The following VIL1 variants were observed in gnomAD, a reference collection of about 807,000 sequenced individuals.
The protein encoded by VIL1 is villin 1, also known as villin-1.
Under a neutral mutation model 104.0 loss-of-function variants are expected in VIL1, and 86 were observed. That is an observed-to-expected ratio of 0.83 (90% CI 0.69 to 0.99). The LOEUF is 0.99. Ranked by LOEUF, VIL1 falls within the 50% of genes least tolerant of loss-of-function variation. VIL1 has a pLI of 0.00. For missense variants in VIL1, 944 were observed against 1,054.1 expected (o/e 0.90, Z 1.45); for synonymous variants, 394 against 412.6 (o/e 0.95, Z 0.55).
At chr2:218,440,690 A>G (rs774483083) in intron 18 of VIL1, 32 bp from the exon 19 acceptor site, 4 of 1,613,192 alleles carry the variant, frequency 2.5e-6, no homozygotes, top group Non-Finnish European at 3.4e-6. Flanking sequence ...TGCACCAGCT[A>G]AAGTAACCAG....
chr2:218,444,490 G>A (rs1475989932), intron 19 of VIL1, among the ~76,000 whole-genome samples: 1 of 151,534 alleles, frequency 6.6e-6, no homozygotes, highest in Non-Finnish European at 1.5e-5. Flanking sequence ...GTGTTAGCCA[G>A]GATGGTCTCG....
At chr2:218,448,796 G>A (rs1024657155) in intron 19 of VIL1, among the ~76,000 whole-genome samples, 1 of 152,086 alleles carries the variant, frequency 6.6e-6, no homozygotes, top group African/African-American at 2.4e-5. Flanking sequence ...CTTGAGGTCA[G>A]GAGTTCGAGA....
intron 16 of VIL1, among the ~76,000 whole-genome samples, chr2:218,436,908 C>G (rs1006790260): frequency 1.3e-5 from 2 of 152,302 alleles, no homozygotes; most frequent in East Asian, 1.9e-4. Context: ...GTCTGGGAGA[C>G]ACACATTTGC....
Position 218,423,854 on chromosome 2 carries a change from G to C in VIL1, c.75+1G>C. 9 of 1,614,148 alleles carry C rather than the reference G, an allele frequency of 5.6e-6. No homozygotes were observed. The highest frequency in any genetic ancestry group is 6.8e-6 in the Non-Finnish European group (8 of 1,180,006). ...GGGGCTGCAGATATGGAGGATCGAG[G>C]TGAGGCCCTGTCTGGGCATGGGGGC... On this transcript the variant is annotated splice_donor_variant, in intron 2 of 19. Coordinates refer to ENST00000248444, the MANE Select transcript of VIL1 (RefSeq NM_007127.3). LOFTEE classifies it high-confidence loss of function.
chr2:218,440,918 T>A, intron 19 of VIL1, 56 bp downstream of exon 19: 1 of 1,600,390 alleles, frequency 6.2e-7, no homozygotes, highest in Non-Finnish European at 8.5e-7. Flanking sequence ...CCACCATAGT[T>A]GACTCCCAGA....
At chr2:218,423,605 A>G (rs1688929472) in intron 1 of VIL1, among the ~76,000 whole-genome samples, 163 bp from the exon 2 acceptor site, 1 of 152,038 alleles carries the variant, frequency 6.6e-6, no homozygotes, top group African/African-American at 2.4e-5. Context: ...CGGATTTGGT[A>G]CTAAACAAGC....
intron 12 of VIL1, 130 bp downstream of exon 12, chr2:218,432,313 C>T: frequency 5.0e-6 from 7 of 1,395,648 alleles, no homozygotes; most frequent in Non-Finnish European, 6.8e-6. Context: ...TCAAGAAGGA[C>T]TGCTTTGGCT....
intron 17 of VIL1, among the ~76,000 whole-genome samples, chr2:218,437,918 G>C (rs1689223311): frequency 6.6e-6 from 1 of 152,180 alleles, no homozygotes; most frequent in Admixed American, 6.5e-5. Flanking sequence ...GTAGGAAGAA[G>C]GCCAAGGTAC....
At chr2:218,424,252 C>T in intron 2 of VIL1, 25 bp from the exon 3 acceptor site, 2 of 1,611,524 alleles carry the variant, frequency 1.2e-6, no homozygotes, top group East Asian at 2.2e-5. Context: ...CAGGGCAGCC[C>T]CTCTGACCCT....
At position 218,429,684 on chromosome 2, in the gene VIL1, G is replaced by A; in HGVS notation, c.849+9G>A. The stretch of plus-strand genomic sequence containing the variant: ...ACCTGCTCAGTCACGAGGTAAGAGG[G>A]TCTGGAGACCCCTCAGCCTACTGCA... On this transcript the variant is annotated intron_variant, in intron 8 of 19. Transcript: ENST00000248444. 5 of 1,614,056 alleles carry A rather than the reference G, an allele frequency of 3.1e-6. No individual in the cohort carries two copies. Among genetic ancestry groups the A allele is most frequent in the Non-Finnish European group, 4.2e-6 (5 of 1,180,012 alleles).
In VIL1 at chr2:218,451,060, T is replaced by A. The variant is rs1223641589; in HGVS notation, c.*1724T>A. 1 of 152,120 alleles carries A rather than the reference T, an allele frequency of 6.6e-6. No individual in the cohort carries two copies. The highest frequency in any genetic ancestry group is 1.5e-5 in the Non-Finnish European group (1 of 68,008). The allele number at this position is 152,120 out of a possible 1,614,324, so 9.4% of individuals were successfully genotyped here. ...GGCCTAACAAATTAGAATTTTCCAA[T>A]AAAAAATATATATTTTTTCAGATGT... On this transcript the variant is annotated 3_prime_UTR_variant, in exon 20 of 20. Coordinates refer to ENST00000248444, the MANE Select transcript of VIL1 (RefSeq NM_007127.3).
At chr2:218,444,278 A>G (rs1689329326) in intron 19 of VIL1, among the ~76,000 whole-genome samples, 1 of 146,688 alleles carries the variant, frequency 6.8e-6, no homozygotes, top group African/African-American at 2.5e-5. Context: ...ACTGAAGCTG[A>G]TTTTTTTTCT....
chr2:218,429,679 A>G lies in VIL1; in HGVS notation c.849+4A>G, dbSNP rs775698531. The G allele has an allele frequency of 6.2e-7, 1 of 1,614,036 alleles. No homozygotes were observed. The highest frequency in any genetic ancestry group is 8.5e-7 in the Non-Finnish European group (1 of 1,180,012). ...ACAGGACCTGCTCAGTCACGAGGTA[A>G]GAGGGTCTGGAGACCCCTCAGCCTA... is the stretch of plus-strand genomic sequence containing the variant. On this transcript the variant is annotated splice_donor_region_variant and intron_variant, in intron 8 of 19. Coordinates refer to ENST00000248444, the MANE Select transcript of VIL1 (RefSeq NM_007127.3).
rs1689472851 is a variant in VIL1, at chr2:218,451,379, G to T, written c.*2043G>T. 1 of 152,002 alleles carries T rather than the reference G, an allele frequency of 6.6e-6. No individual in the cohort carries two copies. The highest frequency in any genetic ancestry group is 1.5e-5 in the Non-Finnish European group (1 of 68,014). The allele number at this position is 152,002 out of a possible 1,614,324, so 9.4% of individuals were successfully genotyped here. ...TTTAAAACAAAAGACCACCTCGGGGGGTCAATTAAATTAAAAAGGCCCTCC... is the reference window on the plus strand; with the variant it reads ...TTTAAAACAAAAGACCACCTCGGGGTGTCAATTAAATTAAAAAGGCCCTCC... On this transcript the variant is annotated 3_prime_UTR_variant, in exon 20 of 20. Coordinates refer to ENST00000248444, the MANE Select transcript of VIL1 (RefSeq NM_007127.3).
rs1054677461 is a variant in VIL1 at position 218,444,820 on chromosome 2, G to A, written c.2370+3958G>A. Among the ~76,000 whole-genome samples, 3 of 152,190 alleles carry A rather than the reference G, an allele frequency of 2.0e-5. No individual in the cohort carries two copies. In the East Asian group the frequency reaches 5.8e-4, roughly 29 times the overall value. On this transcript the variant is annotated intron_variant, in intron 19 of 19. Coordinates refer to ENST00000248444, the MANE Select transcript of VIL1 (RefSeq NM_007127.3). ...GGCGGATGTAGGCATGGGTGAGGCT[G>A]GTAATCAGCTGGCAGGACTGCAGAG...
At chr2:218,443,806 C>T (rs1689321869) in intron 19 of VIL1, among the ~76,000 whole-genome samples, 1 of 152,008 alleles carries the variant, frequency 6.6e-6, no homozygotes, top group Non-Finnish European at 1.5e-5. Flanking sequence ...AGGCGCACAC[C>T]ATCACGCCTG....
At position 218,434,568 on chromosome 2, in the gene VIL1, A is replaced by C; in HGVS notation, c.1543A>C (p.Thr515Pro). Residue 515 changes from threonine to proline, a missense_variant, in exon 14 of 20, where the codon ACA becomes CCA. Physicochemically the swap from Thr to Pro is conservative, Grantham distance 38. Transcript: ENST00000248444. ...RTNNLETGPS[T>P]RLFQVQGTGA... ...TAACAACTTGGAGACCGGGCCCTCC[A>C]CACGGCTGTTCCAGGTCCAGGGAAC... The C allele has an allele frequency of 6.2e-7, 1 of 1,614,058 alleles. No individual in the cohort carries two copies. The highest frequency in any genetic ancestry group is 1.3e-5 in the African/African-American group (1 of 75,030).
intron 1 of VIL1, among the ~76,000 whole-genome samples, chr2:218,421,498 GGGCCCT>G (rs1559144215): frequency 6.6e-6 from 1 of 152,164 alleles, no homozygotes; most frequent in Non-Finnish European, 1.5e-5. Context: ...GGGAAGTGAC[GGGCCCT>G]GGTCTTCCTG....
At chr2:218,432,621 T>C in intron 12 of VIL1, 172 bp from the exon 13 acceptor site, 1 of 934,886 alleles carries the variant, frequency 1.1e-6, no homozygotes. Flanking sequence ...AGATCAGAAC[T>C]GAGGTATGGT....
Sources: gnomAD v4.1 joint callset for allele counts (sites outside exome capture counted in the v4.1 genomes callset) on GRCh38, gnomAD v4.1.1 for gene constraint, MANE v1.5 for transcripts, NCBI Gene and HGNC (gene_info 2026-07-23, HGNC 2026-07-21) for gene names.